Variants in XPO5 observed in about 807,000 individuals in gnomAD.
XPO5 encodes the protein exportin 5.
Under a neutral mutation model 160.6 loss-of-function variants are expected in XPO5, and 46 were observed. The observed-to-expected ratio is 0.29, with a 90% CI of 0.23 to 0.37. XPO5 has a LOEUF of 0.37. Ranked by LOEUF, XPO5 falls within the 10% of genes least tolerant of loss-of-function variation. XPO5 has a pLI of 1.00. For missense variants in XPO5, 1,090 were observed against 1,463.9 expected (o/e 0.74, Z 4.17); for synonymous variants, 537 against 519.3 (o/e 1.03, Z -0.46).
Position 43,546,705 on chromosome 6 carries a change from G to A in XPO5, c.2208C>T (p.Cys736=), listed in dbSNP as rs1561874935. The A allele has an allele frequency of 6.2e-7, 1 of 1,611,948 alleles. No homozygotes were observed. The highest frequency in any genetic ancestry group is 2.2e-5 in the East Asian group (1 of 44,850). ...YSILGVVKRT[C]WPTDLEEAKA... is the part of the protein sequence containing the mutation. ...TGGCCTCTTCTAGGTCAGTGGGCCAGCAAGTTCGTTTCACCACACCCAGAA... is the reference window on the plus strand; with the variant it reads ...TGGCCTCTTCTAGGTCAGTGGGCCAACAAGTTCGTTTCACCACACCCAGAA... Residue 736 remains cysteine (C), a synonymous_variant, in exon 20 of 32, where the codon TGC becomes TGT. Coordinates refer to ENST00000265351, the MANE Select transcript of XPO5 (RefSeq NM_020750.3).
At chr6:43,557,340 C>T (rs1211570449) in intron 12 of XPO5, among the ~76,000 whole-genome samples, 5 of 151,074 alleles carry the variant, frequency 3.3e-5, no homozygotes, top group South Asian at 2.1e-4. Context: ...GCAGGAGAAT[C>T]GCTTGAATCC....
intron 15 of XPO5, 100 bp from the exon 16 acceptor site, chr6:43,550,034 G>T: frequency 7.9e-7 from 1 of 1,263,974 alleles, no homozygotes; most frequent in South Asian, 1.3e-5. Context: ...GGGCTCAACT[G>T]ATTCTCCTGC....
At chr6:43,548,229 TAG>T in intron 18 of XPO5, 30 bp downstream of exon 18, 2 of 1,546,908 alleles carry the variant, frequency 1.3e-6, no homozygotes, top group South Asian at 2.5e-5. Context: ...TGCTTGAGTA[TAG>T]TAAGAGTCAG....
At chr6:43,539,644 C>T in intron 20 of XPO5, 1 of 1,308,612 alleles carries the variant, frequency 7.6e-7, no homozygotes, top group Non-Finnish European at 1.1e-6. Flanking sequence ...CACCGCGGTT[C>T]CCCATCCCAG....
intron 19 of XPO5, 36 bp from the exon 20 acceptor site, chr6:43,546,788 A>AG (rs775586222): frequency 3.3e-6 from 5 of 1,496,722 alleles, no homozygotes; most frequent in African/African-American, 2.9e-5. Context: ...AAATATTAAA[A>AG]GGAAAAAAAA....
At chr6:43,558,374 TA>T in intron 12 of XPO5, 126 bp downstream of exon 12, 3 of 805,220 alleles carry the variant, frequency 3.7e-6, no homozygotes. Flanking sequence ...AACTAGGGCC[TA>T]ATAAGTAGGC....
At chr6:43,541,492 A>ATATTTAATACTT in intron 20 of XPO5, among the ~76,000 whole-genome samples, 1 of 152,238 alleles carries the variant, frequency 6.6e-6, no homozygotes, top group South Asian at 2.1e-4. Flanking sequence ...AATACTTTCA[A>ATATTTAATACTT]AGGGTTGCAT....
In XPO5 at chr6:43,526,639, T is replaced by G. The variant is rs993666030; in HGVS notation, c.2983+46A>C. 3.1e-6 allele frequency: 5 copies of G among 1,607,124 alleles called. No homozygotes were observed. In the African/African-American group the frequency reaches 5.3e-5, roughly 17 times the overall value. ...TGACCTGGTTCAGAAGGAACAGTAT[T>G]TAGGAGGCTAAGAGCAGAACTCCAA... is the stretch of plus-strand genomic sequence containing the variant. On this transcript the variant is annotated intron_variant, in intron 27 of 31. Coordinates refer to ENST00000265351, the MANE Select transcript of XPO5 (RefSeq NM_020750.3).
chr6:43,524,352 CAAAAAAAAA>C, intron 31 of XPO5, 110 bp downstream of exon 31: 2 of 1,069,142 alleles, frequency 1.9e-6, no homozygotes, highest in Non-Finnish European at 2.5e-6. Context: ...AACCCCATCT[CAAAAAAAAA>C]AAAAAAAAAA....
chr6:43,536,969 T>C (rs1239729559), intron 20 of XPO5, among the ~76,000 whole-genome samples: 2 of 151,088 alleles, frequency 1.3e-5, no homozygotes, highest in African/African-American at 4.9e-5. Context: ...TTTTGTTTTG[T>C]TTTTTGTTTT....
intron 20 of XPO5, among the ~76,000 whole-genome samples, chr6:43,537,935 G>T (rs1237006042): frequency 1.3e-5 from 2 of 151,628 alleles, no homozygotes; most frequent in African/African-American, 4.8e-5. Context: ...AGGCGTGGTG[G>T]CGCACACCTG....
intron 20 of XPO5, among the ~76,000 whole-genome samples, chr6:43,537,757 T>C (rs1794424504): frequency 6.6e-6 from 1 of 152,078 alleles, no homozygotes. Context: ...TCCACATTTT[T>C]CAACAAATAA....
At chr6:43,569,870 G>A (rs998675690) in intron 5 of XPO5, among the ~76,000 whole-genome samples, 1 of 151,766 alleles carries the variant, frequency 6.6e-6, no homozygotes, top group Non-Finnish European at 1.5e-5. Flanking sequence ...ACCACCTGAG[G>A]TCAGGAGTTT....
Position 43,523,591 on chromosome 6 carries a change from T to C in XPO5, c.*277A>G, listed in dbSNP as rs767956248. 2 of 637,282 alleles carry C rather than the reference T, an allele frequency of 3.1e-6. No individual in the cohort carries two copies. The highest frequency in any genetic ancestry group is 3.8e-4 in the Middle Eastern group (1 of 2,614). The allele number at this position is 637,282 out of a possible 1,614,324, so 39.5% of individuals were successfully genotyped here. ...TTGTGGGAGAAGGGCTGCTCTGCTC[T>C]AGCTTTTCTTGGAAAAGCCAAATCT... On this transcript the variant is annotated 3_prime_UTR_variant, in exon 32 of 32. Transcript: ENST00000265351.
chr6:43,527,376 A>C (rs185530994), intron 26 of XPO5: 84 of 300,926 alleles, frequency 2.8e-4, no homozygotes, highest in African/African-American at 1.8e-3. Context: ...GGTTCAAGCG[A>C]TTCTCCTACC....
intron 27 of XPO5, chr6:43,526,283 G>A (rs936557549): frequency 1.1e-5 from 4 of 360,940 alleles, no homozygotes; most frequent in Non-Finnish European, 2.1e-5. Context: ...ATTCTAACAT[G>A]GGAGATAGGT....
Position 43,526,727 on chromosome 6 carries a change from T to C in XPO5, c.2941A>G (p.Lys981Glu). 6.2e-7 allele frequency: 1 copy of C among 1,613,914 alleles called. No individual in the cohort carries two copies. The highest frequency in any genetic ancestry group is 8.5e-7 in the Non-Finnish European group (1 of 1,179,872). The change falls in exon 27 of 32, where the codon AAG becomes GAG. Residue 981 changes from lysine to glutamate, a missense_variant. Coordinates refer to ENST00000265351, the MANE Select transcript of XPO5 (RefSeq NM_020750.3). ...GGAGCACTACTGTGGTCAGCACCCT[T>C]CTTTGAAACACAGCAAACCGCTAAA... Reference protein sequence around the residue: ...DLITVCCVSKKGADHSSAPPA... With the variant: ...DLITVCCVSKEGADHSSAPPA...
chr6:43,524,675 G>A, intron 30 of XPO5, 40 bp from the exon 31 acceptor site: 1 of 1,601,210 alleles, frequency 6.2e-7, no homozygotes, highest in Non-Finnish European at 8.5e-7. Flanking sequence ...TGTAGGTTTG[G>A]ATATTGCCAC....
intron 23 of XPO5, among the ~76,000 whole-genome samples, chr6:43,530,349 G>C (rs574727484): frequency 1.6e-3 from 242 of 151,490 alleles, no homozygotes; most frequent in African/African-American, 5.5e-3. Context: ...GCTTGAACCT[G>C]AGAGGCAGAA....
Sources: gnomAD v4.1 joint callset for allele counts (sites outside exome capture counted in the v4.1 genomes callset) on GRCh38, gnomAD v4.1.1 for gene constraint, MANE v1.5 for transcripts, NCBI Gene and HGNC (gene_info 2026-07-23, HGNC 2026-07-21) for gene names.